PRUNE2: variants seen among roughly 807,000 people sequenced by gnomAD.
PRUNE2 encodes the protein prune homolog 2 with BCH domain, also known as protein prune homolog 2.
PRUNE2 carries 164 observed loss-of-function variants against 252.0 expected under a neutral mutation model. The observed-to-expected ratio is 0.65, with a 90% CI of 0.57 to 0.74. The LOEUF is 0.74. PRUNE2 is among the 30% of genes least tolerant of loss of function. The pLI is 0.00. For synonymous variants in PRUNE2, 1,292 were observed against 1,350.2 expected, an observed-to-expected ratio of 0.96 and a Z score of 0.94; for missense variants, 3,495 against 3,711.0, an observed-to-expected ratio of 0.94 and a Z score of 1.51.
At chr9:76,728,353 T>TAA (rs112758197) in intron 6 of PRUNE2, among the ~76,000 whole-genome samples, 6 of 147,956 alleles carry the variant, frequency 4.1e-5, no homozygotes, top group South Asian at 4.3e-4. Flanking sequence ...AGGGAGCTGT[T>TAA]AAAAAAAAAA....
chr9:76,629,787 C>G (rs1199718469), intron 15 of PRUNE2, among the ~76,000 whole-genome samples: 1 of 152,130 alleles, frequency 6.6e-6, no homozygotes, highest in Admixed American at 6.5e-5. Flanking sequence ...AACCACCATT[C>G]CACTCTCTAC....
In PRUNE2 at chr9:76,637,510, G is replaced by A; in HGVS notation, c.8871C>T (p.Asp2957=). The change falls in exon 14 of 19, where the codon GAC becomes GAT. Residue 2957 remains aspartate (D), a synonymous_variant. Coordinates refer to ENST00000376718, the MANE Select transcript of PRUNE2 (RefSeq NM_015225.3). Reference sequence around the variant, plus strand: ...CACCATTCAAGTACACAATCATATAGTCTTCAGCTACCATCAACTCTAAAG... The same window carrying A: ...CACCATTCAAGTACACAATCATATAATCTTCAGCTACCATCAACTCTAAAG... ...ISTLELMVAE[D]YMIVYLNGAT... The A allele has an allele frequency of 6.2e-7, 1 of 1,613,214 alleles. No homozygotes were observed. The highest frequency in any genetic ancestry group is 1.1e-5 in the South Asian group (1 of 91,068).
intron 18 of PRUNE2, 83 bp from the exon 19 acceptor site, chr9:76,614,683 C>T: frequency 1.9e-6 from 2 of 1,036,272 alleles, no homozygotes; most frequent in South Asian, 2.9e-5. Context: ...ACTGTGTTTG[C>T]TTTTTTCCTC....
chr9:76,847,153 C>T (rs1261491719), intron 3 of PRUNE2, among the ~76,000 whole-genome samples: 1 of 151,958 alleles, frequency 6.6e-6, no homozygotes, highest in African/African-American at 2.4e-5. Context: ...GGTGAAACCT[C>T]GTCTCTACTA....
intron 6 of PRUNE2, among the ~76,000 whole-genome samples, chr9:76,776,905 C>T (rs911014248): frequency 5.2e-5 from 5 of 95,610 alleles, no homozygotes; most frequent in Admixed American, 2.0e-4. Context: ...CACACACACA[C>T]ACACACACAC....
At chr9:76,894,895 G>A (rs11145119) in intron 1 of PRUNE2, among the ~76,000 whole-genome samples, 17,428 of 151,938 alleles carry the variant, frequency 0.11, 3,304 homozygotes, top group African/African-American at 0.4. Context: ...GCGTGATGGC[G>A]CTTGCCTGTA....
chr9:76,900,696 G>A (rs929516489), intron 1 of PRUNE2, among the ~76,000 whole-genome samples: 6 of 152,024 alleles, frequency 3.9e-5, no homozygotes, highest in African/African-American at 1.5e-4. Context: ...AGTAACTAAC[G>A]TTGCATCCCC....
At chr9:76,821,632 A>G (rs117359261) in intron 6 of PRUNE2, among the ~76,000 whole-genome samples, 91 of 152,262 alleles carry the variant, frequency 6.0e-4, no homozygotes, top group Non-Finnish European at 1.0e-3. Flanking sequence ...AAGAGTTTAA[A>G]CTGTGTACCC....
intron 11 of PRUNE2, among the ~76,000 whole-genome samples, chr9:76,645,827 A>G (rs907145292): frequency 6.6e-6 from 1 of 152,192 alleles, no homozygotes; most frequent in African/African-American, 2.4e-5. Context: ...CCATTCCTGG[A>G]AAAGCACCAT....
chr9:76,657,374 CTGACAGAGCACACAGGA>C (rs1207590036), intron 9 of PRUNE2, among the ~76,000 whole-genome samples: 9 of 152,178 alleles, frequency 5.9e-5, no homozygotes, highest in African/African-American at 2.2e-4. Context: ...TTCTATCTGC[CTGACAGAGCACACAGGA>C]TGTGGGCCTT....
chr9:76,759,457 A>T (rs2051478554), intron 6 of PRUNE2: 1 of 152,488 alleles, frequency 6.6e-6, no homozygotes, highest in Non-Finnish European at 1.5e-5. Flanking sequence ...CTCCATGAGC[A>T]GATGAGCAGA....
In PRUNE2 at chr9:76,709,401, G is replaced by A. The variant is rs756314243; in HGVS notation, c.2873C>T (p.Ser958Leu). ...ATTGGTATCTAAGGGGGAAGGCACC[G>A]AATCTTCTCCTAGGTTGGATGCACT... is the stretch of plus-strand genomic sequence containing the variant. ...DYSASNLGED[S>L]VPSPLDTNYS... Residue 958 changes from serine to leucine, a missense_variant, in exon 8 of 19, where the codon TCG becomes TTG. Ser to Leu is a moderately radical substitution (Grantham distance 145). Transcript: ENST00000376718. 6.8e-6 allele frequency: 11 copies of A among 1,613,872 alleles called. No individual in the cohort carries two copies. Among genetic ancestry groups the A allele is most frequent in the East Asian group, 4.5e-5 (2 of 44,894 alleles).
chr9:76,798,619 AT>A (rs1269300874), intron 6 of PRUNE2, among the ~76,000 whole-genome samples: 1 of 151,488 alleles, frequency 6.6e-6, no homozygotes, highest in Non-Finnish European at 1.5e-5. Flanking sequence ...TTCTAAAGTC[AT>A]TTTTGAAGTG....
At chr9:76,723,018 A>G (rs1484534003) in intron 6 of PRUNE2, among the ~76,000 whole-genome samples, 1 of 152,216 alleles carries the variant, frequency 6.6e-6, no homozygotes, top group Non-Finnish European at 1.5e-5. Context: ...GATTTTGACA[A>G]TTGCTAACAA....
At chr9:76,680,168 A>G (rs1228684679) in intron 9 of PRUNE2, among the ~76,000 whole-genome samples, 2 of 152,234 alleles carry the variant, frequency 1.3e-5, no homozygotes, top group East Asian at 1.9e-4. Context: ...AAAAATGTAC[A>G]TAACCTGATT....
intron 6 of PRUNE2, among the ~76,000 whole-genome samples, chr9:76,822,341 C>A (rs1022534847): frequency 2.0e-5 from 3 of 152,128 alleles, no homozygotes; most frequent in African/African-American, 7.2e-5. Flanking sequence ...AGTTTTCATA[C>A]AGATTTATAA....
chr9:76,788,499 C>A (rs2055242853), intron 6 of PRUNE2: 1 of 720,624 alleles, frequency 1.4e-6, no homozygotes, highest in South Asian at 1.5e-5. Flanking sequence ...TATTCACCAG[C>A]CATGTGCCCT....
chr9:76,775,715 G>A lies in PRUNE2; in HGVS notation c.756+47917C>T, dbSNP rs575424048. Among the ~76,000 whole-genome samples the A allele has an allele frequency of 1.2e-3, 176 of 152,310 alleles. 1 individual carries two copies. The highest frequency in any genetic ancestry group is 4.0e-3 in the African/African-American group (166 of 41,570). On this transcript the variant is annotated intron_variant, in intron 6 of 18. Transcript: ENST00000376718. Reference sequence around the variant, plus strand: ...TAGAACTCCTCAAATTTTCTTGGATGTGAAAATAGTTGTACATCATCCCAT... The same window carrying A: ...TAGAACTCCTCAAATTTTCTTGGATATGAAAATAGTTGTACATCATCCCAT...
chr9:76,692,106 G>A lies in PRUNE2; in HGVS notation c.8276+11231C>T, dbSNP rs1022822743. 4.2e-6 allele frequency: 3 copies of A among 717,374 alleles called. No homozygotes were observed. The African/African-American group carries it at 5.2e-5, about 13-fold the overall frequency. The allele number at this position is 717,374 out of a possible 1,614,324, so 44.4% of individuals were successfully genotyped here. ...GGATGAGAGGAGGCTTTCTAACGGAGGGTGAGAAGGATGCACGACTACAGC... is the reference window on the plus strand; with the variant it reads ...GGATGAGAGGAGGCTTTCTAACGGAAGGTGAGAAGGATGCACGACTACAGC... On this transcript the variant is annotated intron_variant, in intron 9 of 18. Transcript: ENST00000376718.
Sources: allele counts gnomAD v4.1 joint callset (sites outside exome capture counted in the v4.1 genomes callset), GRCh38; gene constraint gnomAD v4.1.1; transcripts MANE v1.5; gene names NCBI Gene and HGNC (gene_info 2026-07-23, HGNC 2026-07-21).